LOC128462377: variants seen among roughly 807,000 people sequenced by gnomAD.
chr16:89,322,255 GACA>G, the LOC128462377 span, among the ~76,000 whole-genome samples: 1 of 152,300 alleles, frequency 6.6e-6, no homozygotes, highest in South Asian at 2.1e-4. Flanking sequence ...GAACAGATGT[GACA>G]ACATTACCCT....
the LOC128462377 span, chr16:89,324,579 G>A: frequency 8.8e-6 from 4 of 452,424 alleles, no homozygotes; most frequent in Admixed American, 4.7e-5. Context: ...CATCTGGGGG[G>A]GCATGATCTC....
At chr16:89,328,862 G>GCA in the LOC128462377 span, 1 of 121,520 alleles carries the variant, frequency 8.2e-6, no homozygotes, top group Non-Finnish European at 1.7e-5. Flanking sequence ...CGAAATCAGT[G>GCA]GAGGCCCCTG....
chr16:89,347,059 G>A, the LOC128462377 span, among the ~76,000 whole-genome samples: 1 of 152,196 alleles, frequency 6.6e-6, no homozygotes. Context: ...CTGGGCGAAA[G>A]GCCAGCTAAA....
At chr16:89,383,691 A>T in the LOC128462377 span, among the ~76,000 whole-genome samples, 3 of 152,180 alleles carry the variant, frequency 2.0e-5, no homozygotes, top group Non-Finnish European at 4.4e-5. Context: ...GCAGACGTCC[A>T]GCCCCTGCCC....
At chr16:89,354,339 T>C in the LOC128462377 span, among the ~76,000 whole-genome samples, 1 of 152,178 alleles carries the variant, frequency 6.6e-6, no homozygotes, top group Non-Finnish European at 1.5e-5. Flanking sequence ...CAATCTTTTT[T>C]GAAGTCTCAA....
chr16:89,366,449 T>C, the LOC128462377 span, among the ~76,000 whole-genome samples: 2 of 152,128 alleles, frequency 1.3e-5, no homozygotes, highest in Admixed American at 6.5e-5. Context: ...CTGCCAACAG[T>C]GTATAAGTGC....
chr16:89,361,168 T>C, the LOC128462377 span, among the ~76,000 whole-genome samples: 1 of 152,212 alleles, frequency 6.6e-6, no homozygotes, highest in Non-Finnish European at 1.5e-5. Context: ...CCTGAAACCC[T>C]GCTCAGCTAC....
chr16:89,328,338 C>T, the LOC128462377 span, among the ~76,000 whole-genome samples: 2 of 152,204 alleles, frequency 1.3e-5, no homozygotes, highest in African/African-American at 4.8e-5. Context: ...CAACTGCACC[C>T]CAGGACATTT....
At chr16:89,398,652 G>A in the LOC128462377 span, among the ~76,000 whole-genome samples, 1 of 152,188 alleles carries the variant, frequency 6.6e-6, no homozygotes, top group Non-Finnish European at 1.5e-5. Flanking sequence ...TGAGGCAGGA[G>A]GAAGGTTTGA....
At chr16:89,320,530 C>CCAGGCCACGCATTCCTTGTTACTT in the LOC128462377 span, among the ~76,000 whole-genome samples, 1 of 152,216 alleles carries the variant, frequency 6.6e-6, no homozygotes, top group Admixed American at 6.5e-5. Context: ...CTGACCGCCC[C>CCAGGCCACGCATTCCTTGTTACTT]CAGGCCACGC....
chr16:89,384,581 G>A, the LOC128462377 span, among the ~76,000 whole-genome samples: 1 of 152,124 alleles, frequency 6.6e-6, no homozygotes, highest in Admixed American at 6.5e-5. Flanking sequence ...GGGACGGGAC[G>A]GGATGGGGCA....
At chr16:89,384,509 GGGACGACATGGAACA>G in the LOC128462377 span, among the ~76,000 whole-genome samples, 2 of 151,502 alleles carry the variant, frequency 1.3e-5, no homozygotes, top group Non-Finnish European at 2.9e-5. Flanking sequence ...GGGACAGGAT[GGGACGACATGGAACA>G]GGATGGGATG....
chr16:89,405,299 C>T, the LOC128462377 span, among the ~76,000 whole-genome samples: 4 of 152,144 alleles, frequency 2.6e-5, no homozygotes, highest in Non-Finnish European at 5.9e-5. Context: ...CTGTAGGGCA[C>T]ATTTGCAAAA....
the LOC128462377 span, among the ~76,000 whole-genome samples, chr16:89,416,662 G>T: frequency 2.0e-5 from 3 of 151,236 alleles, no homozygotes; most frequent in East Asian, 5.9e-4. Flanking sequence ...AGGTGTGGTG[G>T]CTCACACCTG....
chr16:89,396,622 A>G, the LOC128462377 span, among the ~76,000 whole-genome samples: 1 of 152,148 alleles, frequency 6.6e-6, no homozygotes, highest in African/African-American at 2.4e-5. Flanking sequence ...GCTGTCTTCT[A>G]TGAAGCCACA....
At chr16:89,349,240 A>G in the LOC128462377 span, among the ~76,000 whole-genome samples, 1 of 151,748 alleles carries the variant, frequency 6.6e-6, no homozygotes, top group South Asian at 2.1e-4. Context: ...AGAAAAGACC[A>G]AAAACAGGCC....
chr16:89,334,832 C>A, the LOC128462377 span, among the ~76,000 whole-genome samples: 1 of 152,130 alleles, frequency 6.6e-6, no homozygotes, highest in Admixed American at 6.5e-5. Context: ...CCACAACACA[C>A]GGGGCGCACG....
At chr16:89,410,410 A>G in the LOC128462377 span, among the ~76,000 whole-genome samples, 1 of 152,216 alleles carries the variant, frequency 6.6e-6, no homozygotes, top group Non-Finnish European at 1.5e-5. Context: ...ATAAACAGAA[A>G]AAGACTCATG....
the LOC128462377 span, among the ~76,000 whole-genome samples, chr16:89,393,119 C>T: frequency 1.3e-5 from 2 of 152,060 alleles, no homozygotes; most frequent in South Asian, 2.1e-4. Context: ...CACCTGCATA[C>T]CTTCTCTCAC....
Sources: allele counts gnomAD v4.1 joint callset (sites outside exome capture counted in the v4.1 genomes callset), GRCh38; gene constraint gnomAD v4.1.1; transcripts MANE v1.5.